The following DENND5A variants were observed in gnomAD, a reference collection of about 807,000 sequenced individuals.
The protein encoded by DENND5A is DENN domain-containing protein 5A.
In DENND5A, 64 loss-of-function variants were observed where a neutral mutation model predicts 140.3. The ratio of observed to expected loss-of-function variants is 0.46; its 90% CI spans 0.37 to 0.56. The LOEUF is 0.56. DENND5A is among the 20% of genes least tolerant of loss of function. The pLI, the probability that DENND5A is intolerant of heterozygous loss-of-function variation, is 0.00. For missense variants in DENND5A, 1,292 were observed against 1,593.8 expected (o/e 0.81, Z 3.22); for synonymous variants, 605 against 607.7 (o/e 1.00, Z 0.07).
chr11:9,212,886 G>T (rs1849933154), intron 1 of DENND5A, among the ~76,000 whole-genome samples: 1 of 152,076 alleles, frequency 6.6e-6, no homozygotes. Flanking sequence ...GAGTTGGGTG[G>T]TTGTGGGGAG....
chr11:9,160,087 T>C (rs1274514191), intron 12 of DENND5A, among the ~76,000 whole-genome samples: 1 of 152,232 alleles, frequency 6.6e-6, no homozygotes, highest in Admixed American at 6.5e-5. Flanking sequence ...TGGATACTAA[T>C]ATGTATTTTC....
intron 1 of DENND5A, among the ~76,000 whole-genome samples, chr11:9,258,617 C>T (rs1331399860): frequency 6.6e-6 from 1 of 152,006 alleles, no homozygotes; most frequent in Non-Finnish European, 1.5e-5. Context: ...AAAAAAACTA[C>T]CATAACGTCT....
chr11:9,245,822 C>T (rs1160296424), intron 1 of DENND5A, among the ~76,000 whole-genome samples: 2 of 151,780 alleles, frequency 1.3e-5, no homozygotes, highest in African/African-American at 4.8e-5. Context: ...TTAGTAGAGA[C>T]GGGGTTTTAC....
At chr11:9,230,916 A>C (rs1305225164) in intron 1 of DENND5A, among the ~76,000 whole-genome samples, 1 of 152,106 alleles carries the variant, frequency 6.6e-6, no homozygotes, top group Non-Finnish European at 1.5e-5. Context: ...TTAAGCCTGG[A>C]GGTCTAGACT....
intron 1 of DENND5A, among the ~76,000 whole-genome samples, chr11:9,249,742 G>T (rs1851638333): frequency 2.6e-5 from 4 of 151,998 alleles, no homozygotes; most frequent in Admixed American, 2.6e-4. Flanking sequence ...TAGAAATGGG[G>T]TTTCACCATG....
At chr11:9,251,765 G>C (rs999746083) in intron 1 of DENND5A, among the ~76,000 whole-genome samples, 1 of 151,990 alleles carries the variant, frequency 6.6e-6, no homozygotes, top group Non-Finnish European at 1.5e-5. Flanking sequence ...CGAGGCGGGC[G>C]GATTCCGAGG....
At chr11:9,218,206 C>A (rs1344412366) in intron 1 of DENND5A, among the ~76,000 whole-genome samples, 1 of 151,280 alleles carries the variant, frequency 6.6e-6, no homozygotes, top group Non-Finnish European at 1.5e-5. Flanking sequence ...CTGCAGTGAG[C>A]TGAGATAGCA....
At chr11:9,151,803 C>A (rs1174565862) in intron 13 of DENND5A, among the ~76,000 whole-genome samples, 1 of 152,160 alleles carries the variant, frequency 6.6e-6, no homozygotes, top group Non-Finnish European at 1.5e-5. Context: ...TAAGTAAATT[C>A]AATTCCTCTC....
chr11:9,258,290 C>A (rs1275655523), intron 1 of DENND5A, among the ~76,000 whole-genome samples: 1 of 149,964 alleles, frequency 6.7e-6, no homozygotes, highest in East Asian at 2.0e-4. Context: ...CCCACCCCCC[C>A]AACAGGCCCC....
intron 18 of DENND5A, 37 bp from the exon 19 acceptor site, chr11:9,144,315 T>G (rs769124324): frequency 6.2e-7 from 1 of 1,602,424 alleles, no homozygotes; most frequent in African/African-American, 1.3e-5. Flanking sequence ...AGCAGCCAGC[T>G]CCTCCCTGCT....
At chr11:9,223,206 T>A (rs1395144990) in intron 1 of DENND5A, among the ~76,000 whole-genome samples, 4 of 151,606 alleles carry the variant, frequency 2.6e-5, no homozygotes, top group Non-Finnish European at 1.5e-5. Context: ...CGAAGCAACA[T>A]AGCAAGACAT....
intron 5 of DENND5A, among the ~76,000 whole-genome samples, chr11:9,185,132 A>G (rs940777785): frequency 2.0e-5 from 3 of 152,206 alleles, no homozygotes; most frequent in Non-Finnish European, 4.4e-5. Flanking sequence ...CGGAGTCTGC[A>G]GTGAGTCGAG....
chr11:9,234,718 T>A lies in DENND5A; in HGVS notation c.110-27086A>T, dbSNP rs189257717. ...AAACCACAAACAATAGCATGAGCGA[T>A]CTGTGCCTTAAGGACGTGCTCCTGC... On this transcript the variant is annotated intron_variant, in intron 1 of 22. Transcript: ENST00000328194. 1.1e-3 allele frequency among the ~76,000 whole-genome samples: 166 copies of A among 152,352 alleles called. 1 individual carries two copies. The highest frequency in any genetic ancestry group is 2.8e-4 in the Non-Finnish European group (19 of 68,024).
chr11:9,219,249 C>A (rs984569039), intron 1 of DENND5A, among the ~76,000 whole-genome samples: 1 of 152,000 alleles, frequency 6.6e-6, no homozygotes, highest in Non-Finnish European at 1.5e-5. Context: ...CAGACCCACA[C>A]CAAGACACGT....
intron 1 of DENND5A, among the ~76,000 whole-genome samples, chr11:9,257,900 C>G (rs1351926377): frequency 6.6e-6 from 1 of 151,806 alleles, no homozygotes; most frequent in Non-Finnish European, 1.5e-5. Flanking sequence ...TCAAGCGATT[C>G]TCTCGCCTCA....
At chr11:9,223,958 G>T (rs1430507306) in intron 1 of DENND5A, among the ~76,000 whole-genome samples, 1 of 152,160 alleles carries the variant, frequency 6.6e-6, no homozygotes, top group African/African-American at 2.4e-5. Context: ...TTGGGAGGCC[G>T]CAGTGGGCGG....
chr11:9,181,207 G>A lies in DENND5A; in HGVS notation c.1138-123C>T. On this transcript the variant is annotated intron_variant, in intron 5 of 22. Transcript: ENST00000328194. Reference sequence around the variant, plus strand: ...CCTGAAATGGCTATATTTGAGATATGGTATAAGGAAGATAGGGCTCAGAAA... The same window carrying A: ...CCTGAAATGGCTATATTTGAGATATAGTATAAGGAAGATAGGGCTCAGAAA... The A allele has an allele frequency of 3.8e-6, 3 of 783,980 alleles. No homozygotes were observed. The South Asian group carries it at 5.8e-5, about 15-fold the overall frequency. 48.6% of individuals were successfully genotyped at this position (783,980 alleles called of 1,614,324 possible). A position where few individuals can be genotyped will look rare whatever the true frequency, so the allele number is the denominator to read the frequency against.
At chr11:9,182,054 T>C (rs1382640939) in intron 5 of DENND5A, among the ~76,000 whole-genome samples, 1 of 152,208 alleles carries the variant, frequency 6.6e-6, no homozygotes, top group Non-Finnish European at 1.5e-5. Flanking sequence ...GAGCAGTGGT[T>C]CATGCCTGTA....
chr11:9,226,214 T>C (rs1850523076), intron 1 of DENND5A, among the ~76,000 whole-genome samples: 1 of 152,252 alleles, frequency 6.6e-6, no homozygotes, highest in African/African-American at 2.4e-5. Flanking sequence ...TGTTACCTTC[T>C]TCCCAGTTTT....
Sources: gnomAD v4.1 joint callset for allele counts (sites outside exome capture counted in the v4.1 genomes callset) on GRCh38, gnomAD v4.1.1 for gene constraint, MANE v1.5 for transcripts, NCBI Gene and HGNC (gene_info 2026-07-23, HGNC 2026-07-21) for gene names.